LRRC43: variants seen among roughly 807,000 people sequenced by gnomAD.
The protein encoded by LRRC43 is leucine-rich repeat-containing protein 43.
In LRRC43, 62 loss-of-function variants were observed where a neutral mutation model predicts 64.3. That is an observed-to-expected ratio of 0.96 (90% CI 0.79 to 1.19). The LOEUF (loss-of-function observed/expected upper bound fraction) is 1.19, where lower values mean the gene tolerates loss of function less well. Ranked by LOEUF, LRRC43 falls within the 50% of genes most tolerant of loss-of-function variation. The pLI is 0.00. For synonymous variants in LRRC43, 422 were observed against 382.3 expected (o/e 1.10, Z -1.21); for missense variants, 868 against 845.0 (o/e 1.03, Z -0.34).
At chr12:122,177,453 C>T (rs1953545643) in intron 1 of LRRC43, among the ~76,000 whole-genome samples, 1 of 150,754 alleles carries the variant, frequency 6.6e-6, no homozygotes, top group African/African-American at 2.4e-5. Context: ...TAGACTTTGA[C>T]CTACAAACTC....
upstream of LRRC43, among the ~76,000 whole-genome samples, chr12:122,178,568 TAA>T (rs955049402): frequency 1.0e-4 from 15 of 147,944 alleles, no homozygotes; most frequent in African/African-American, 3.5e-4. Context: ...GAAAAATACG[TAA>T]GAGGTGGCTT....
Position 122,200,615 on chromosome 12 carries a change from G to C in LRRC43, c.1575G>C (p.Gly525=). The change falls in exon 9 of 12, where the codon GGG becomes GGC. Residue 525 remains glycine, a synonymous_variant. Transcript: ENST00000339777. The surrounding 1 kb of genome is among the most constrained non-coding windows in gnomAD (Gnocchi z 4.6). ...KKGKGEKDKK[G]KEKDRTGKGE... is the part of the protein sequence containing the mutation. ...GAAAGGGGGAGAAAGACAAGAAAGG[G>C]AAGGAGAAAGACAGGACGGGGAAAG... 2.5e-6 allele frequency: 4 copies of C among 1,614,170 alleles called. No individual in the cohort carries two copies. The highest frequency in any genetic ancestry group is 3.4e-6 in the Non-Finnish European group (4 of 1,180,036).
rs544082638 is a variant in LRRC43, at chr12:122,184,850, C to T, written c.411+71C>T. On this transcript the variant is annotated intron_variant, in intron 2 of 11. Coordinates refer to ENST00000339777, the MANE Select transcript of LRRC43 (RefSeq NM_001098519.2). This position sits in a 1 kb window ranked among gnomAD's most constrained non-coding sequence, Gnocchi z 4.0. ...CTAAGGGAGGTTGTGGGGAGGGCACCCTTCCCCACAGCGCGTCAGGGATCC... is the reference window on the plus strand; with the variant it reads ...CTAAGGGAGGTTGTGGGGAGGGCACTCTTCCCCACAGCGCGTCAGGGATCC... 8 of 1,504,878 alleles carry T rather than the reference C, an allele frequency of 5.3e-6. No individual in the cohort carries two copies. The East Asian group carries it at 2.0e-4, about 37-fold the overall frequency. The allele number at this position is 1,504,878 out of a possible 1,614,324, so 93.2% of individuals were successfully genotyped here.
chr12:122,190,379 T>C lies in LRRC43; in HGVS notation c.901+11T>C. 1.2e-6 allele frequency: 2 copies of C among 1,600,736 alleles called. No individual in the cohort carries two copies. Among genetic ancestry groups the C allele is most frequent in the African/African-American group, 1.3e-5 (1 of 74,756 alleles). ...TCAGCCTCAATGGCGGTGAGGGTAC[T>C]GGCATGCAGGGAGGGGGTGGCATGT... On this transcript the variant is annotated intron_variant, in intron 5 of 11. Coordinates refer to ENST00000339777, the MANE Select transcript of LRRC43 (RefSeq NM_001098519.2).
intron 7 of LRRC43, among the ~76,000 whole-genome samples, chr12:122,194,410 C>CA (rs1348944995): frequency 1.5e-4 from 23 of 151,568 alleles, no homozygotes; most frequent in Admixed American, 2.0e-4. Flanking sequence ...CTACTAAATA[C>CA]AAAAAATTAG....
At chr12:122,183,020 G>A (rs1157521615), upstream of LRRC43, 3 of 1,384,576 alleles carry the variant, frequency 2.2e-6, no homozygotes, top group South Asian at 1.5e-5. Flanking sequence ...GAAAACGCAG[G>A]TGGTTGGGGC....
chr12:122,196,622 A>G (rs1179794104), intron 7 of LRRC43, among the ~76,000 whole-genome samples: 1 of 151,950 alleles, frequency 6.6e-6, no homozygotes, highest in African/African-American at 2.4e-5. Context: ...ATAAAAAATT[A>G]TCTGGGCATG....
At chr12:122,174,282 C>T (rs924846635) in intron 1 of LRRC43, 23 of 1,293,900 alleles carry the variant, frequency 1.8e-5, no homozygotes, top group African/African-American at 2.9e-5. Context: ...GAGCAGTCAG[C>T]GTCCCGCCCA....
chr12:122,183,333 G>C, intron 1 of LRRC43, 39 bp downstream of exon 1: 1 of 1,411,446 alleles, frequency 7.1e-7, no homozygotes, highest in Non-Finnish European at 9.1e-7. Context: ...GGCCTGGACC[G>C]GCTGCGGGGA....
chr12:122,186,082 G>A, intron 2 of LRRC43, 108 bp from the exon 3 acceptor site: 1 of 672,776 alleles, frequency 1.5e-6, no homozygotes, highest in Admixed American at 2.3e-5. Context: ...GGGAAGGGAG[G>A]GGAAGTAACT....
At chr12:122,194,197 G>A (rs1235146940) in intron 7 of LRRC43, among the ~76,000 whole-genome samples, 1 of 151,528 alleles carries the variant, frequency 6.6e-6, no homozygotes, top group Non-Finnish European at 1.5e-5. Flanking sequence ...AGAAAGGAGA[G>A]CACAAATATA....
rs749423854 is a variant in LRRC43, at chr12:122,183,266, G to T, written c.122G>T (p.Arg41Leu). Residue 41 changes from arginine to leucine, a missense_variant, in exon 1 of 12, where the codon CGC becomes CTC. Coordinates refer to ENST00000339777, the MANE Select transcript of LRRC43 (RefSeq NM_001098519.2). ...VREHLRKLCL[R>L]EFPCGAGSWN... Reference sequence around the variant, plus strand: ...GAGCACTTGCGGAAGCTGTGTCTGCGCGAGTTCCCGTGCGGTGCCGGCAGC... The same window carrying T: ...GAGCACTTGCGGAAGCTGTGTCTGCTCGAGTTCCCGTGCGGTGCCGGCAGC... 1.1e-5 allele frequency: 17 copies of T among 1,557,056 alleles called. No homozygotes were observed. Among genetic ancestry groups the T allele is most frequent in the Non-Finnish European group, 1.4e-5 (16 of 1,161,936 alleles).
intron 2 of LRRC43, 54 bp from the exon 3 acceptor site, chr12:122,186,136 G>C: frequency 1.0e-6 from 1 of 971,426 alleles, no homozygotes; most frequent in Non-Finnish European, 1.6e-6. Flanking sequence ...CATGGGTTCT[G>C]TGCCCGTGCT....
intron 6 of LRRC43, among the ~76,000 whole-genome samples, 160 bp downstream of exon 6, chr12:122,191,727 T>C (rs1953721326): frequency 2.0e-5 from 3 of 151,894 alleles, no homozygotes; most frequent in Non-Finnish European, 4.4e-5. Context: ...TAATCTCAGC[T>C]CACTGTAACC....
At chr12:122,198,573 G>T (rs1304754436) in intron 7 of LRRC43, among the ~76,000 whole-genome samples, 1 of 141,730 alleles carries the variant, frequency 7.1e-6, no homozygotes, top group Non-Finnish European at 1.5e-5. Context: ...TGAGCATCAT[G>T]TTTTCAAGGC....
chr12:122,202,461 G>A (rs1345183928), intron 11 of LRRC43: 1 of 152,014 alleles, frequency 6.6e-6, no homozygotes, highest in Non-Finnish European at 1.5e-5. Flanking sequence ...AATCTATATT[G>A]AATTTTTCAT....
intron 7 of LRRC43, among the ~76,000 whole-genome samples, chr12:122,197,550 G>A (rs866899328): frequency 7.9e-5 from 12 of 152,002 alleles, no homozygotes; most frequent in East Asian, 5.8e-4. Flanking sequence ...CGTCACGTCC[G>A]CAAGGTTGGC....
At chr12:122,181,610 A>AT (rs369940986), upstream of LRRC43, among the ~76,000 whole-genome samples, 2,328 of 135,242 alleles carry the variant, frequency 0.017, 77 homozygotes, top group African/African-American at 0.054. Flanking sequence ...TTTTGGATAA[A>AT]TTTTTTTTTT....
chr12:122,195,227 T>C (rs1045426938), intron 7 of LRRC43, among the ~76,000 whole-genome samples: 1 of 152,116 alleles, frequency 6.6e-6, no homozygotes, highest in African/African-American at 2.4e-5. Flanking sequence ...TTTTGGTGTT[T>C]TTCTTTTCCC....
Sources: allele counts gnomAD v4.1 joint callset (sites outside exome capture counted in the v4.1 genomes callset), GRCh38; gene constraint gnomAD v4.1.1; non-coding constraint Gnocchi (gnomAD v3.1); transcripts MANE v1.5; gene names NCBI Gene and HGNC (gene_info 2026-07-23, HGNC 2026-07-21).